The following RPSA2 variants were observed in gnomAD, a reference collection of about 807,000 sequenced individuals.
RPSA2 encodes small ribosomal subunit protein uS2B.
At chr19:23,844,527 A>G in the RPSA2 span, among the ~76,000 whole-genome samples, 1 of 152,096 alleles carries the variant, frequency 6.6e-6, no homozygotes, top group Admixed American at 6.6e-5. Context: ...TCCATTTTTC[A>G]ATGGGATTTC....
At chr19:23,758,601 G>T in the RPSA2 span, 10 of 1,212,786 alleles carry the variant, frequency 8.2e-6, no homozygotes, top group African/African-American at 3.0e-5. Flanking sequence ...GGCTGTCAGC[G>T]CAGCCGCCAT....
chr19:23,855,265 C>A, the RPSA2 span, among the ~76,000 whole-genome samples: 7 of 152,140 alleles, frequency 4.6e-5, no homozygotes, highest in Admixed American at 4.6e-4. Context: ...TCTCTGACCA[C>A]AAGGTATGCA....
At chr19:23,869,905 T>G in the RPSA2 span, among the ~76,000 whole-genome samples, 1 of 152,236 alleles carries the variant, frequency 6.6e-6, no homozygotes, top group Non-Finnish European at 1.5e-5. Context: ...TCCTTATGTC[T>G]TTTTGGCAGC....
At chr19:23,864,007 A>G in the RPSA2 span, among the ~76,000 whole-genome samples, 1 of 152,184 alleles carries the variant, frequency 6.6e-6, no homozygotes, top group East Asian at 1.9e-4. Flanking sequence ...ATCAATGAGA[A>G]ACTGAGAAGA....
chr19:23,758,501 C>T, the RPSA2 span, among the ~76,000 whole-genome samples: 1 of 152,236 alleles, frequency 6.6e-6, no homozygotes, highest in African/African-American at 2.4e-5. Flanking sequence ...CTGGGAGAGA[C>T]CCGGCGCTGC....
the RPSA2 span, among the ~76,000 whole-genome samples, chr19:23,825,422 C>A: frequency 6.6e-6 from 1 of 152,064 alleles, no homozygotes; most frequent in Non-Finnish European, 1.5e-5. Context: ...GGAAGAAAGT[C>A]AAATATGAAT....
chr19:23,778,725 G>A, the RPSA2 span, among the ~76,000 whole-genome samples: 148,892 of 152,222 alleles, frequency 0.98, 72,911 homozygotes, highest in Middle Eastern at 1. Flanking sequence ...CCCATCACCT[G>A]GATGATGTGA....
the RPSA2 span, chr19:23,758,831 T>C: frequency 4.3e-5 from 69 of 1,594,428 alleles, no homozygotes; most frequent in African/African-American, 8.9e-4. Flanking sequence ...GCTGGGCCTC[T>C]AGAAGAAGAG....
At chr19:23,829,898 A>T in the RPSA2 span, among the ~76,000 whole-genome samples, 2,015 of 152,244 alleles carry the variant, frequency 0.013, 41 homozygotes, top group African/African-American at 0.046. Flanking sequence ...GTGAATTTGC[A>T]TATTTTTTCT....
chr19:23,849,837 T>TTAGATGGG, the RPSA2 span, among the ~76,000 whole-genome samples: 1 of 152,148 alleles, frequency 6.6e-6, no homozygotes, highest in Non-Finnish European at 1.5e-5. Flanking sequence ...AATTAAAGTT[T>TTAGATGGG]CAGATGGGCC....
the RPSA2 span, among the ~76,000 whole-genome samples, chr19:23,857,989 A>G: frequency 2.0e-5 from 3 of 151,868 alleles, no homozygotes; most frequent in Non-Finnish European, 4.4e-5. Context: ...TTCACTGGAG[A>G]AAGCTTTTTT....
chr19:23,779,878 G>A, the RPSA2 span, among the ~76,000 whole-genome samples: 5 of 152,128 alleles, frequency 3.3e-5, no homozygotes, highest in Admixed American at 3.3e-4. Flanking sequence ...GGAGAAAATT[G>A]TAACACGTCA....
At chr19:23,801,156 C>T in the RPSA2 span, among the ~76,000 whole-genome samples, 1 of 152,102 alleles carries the variant, frequency 6.6e-6, no homozygotes, top group Admixed American at 6.5e-5. Context: ...CCTAAATCTG[C>T]AGCTCCAAAT....
At chr19:23,759,712 C>T in the RPSA2 span, among the ~76,000 whole-genome samples, 6 of 151,346 alleles carry the variant, frequency 4.0e-5, no homozygotes, top group Admixed American at 6.6e-5. Context: ...TTAGTAGAGA[C>T]GGGGTTTCAC....
At chr19:23,800,898 C>T in the RPSA2 span, among the ~76,000 whole-genome samples, 1 of 152,178 alleles carries the variant, frequency 6.6e-6, no homozygotes, top group Non-Finnish European at 1.5e-5. Flanking sequence ...AGGTGTGAGG[C>T]ACCTCACCTG....
chr19:23,847,460 T>C, the RPSA2 span, among the ~76,000 whole-genome samples: 1 of 151,982 alleles, frequency 6.6e-6, no homozygotes, highest in Non-Finnish European at 1.5e-5. Flanking sequence ...CACATATCGG[T>C]AGGACCATGA....
the RPSA2 span, among the ~76,000 whole-genome samples, chr19:23,862,583 A>G: frequency 1.6e-4 from 25 of 152,256 alleles, no homozygotes; most frequent in East Asian, 4.4e-3. Flanking sequence ...TGTTTTTAGC[A>G]TGAAGGGTTG....
chr19:23,818,488 C>T, the RPSA2 span: 3 of 152,658 alleles, frequency 2.0e-5, no homozygotes, highest in African/African-American at 7.2e-5. Context: ...TTTCTACATA[C>T]TCCTCCCTCT....
the RPSA2 span, among the ~76,000 whole-genome samples, chr19:23,848,224 A>G: frequency 3.7e-4 from 56 of 152,316 alleles, 2 homozygotes; most frequent in South Asian, 0.011. Context: ...TTCACAATTT[A>G]TGTTCCTCTG....
Sources: allele counts gnomAD v4.1 joint callset (sites outside exome capture counted in the v4.1 genomes callset), GRCh38; gene constraint gnomAD v4.1.1; transcripts MANE v1.5; gene names NCBI Gene and HGNC (gene_info 2026-07-23, HGNC 2026-07-21).